USP32: variants seen among roughly 807,000 people sequenced by gnomAD.
The protein encoded by USP32 is ubiquitin carboxyl-terminal hydrolase 32.
A neutral mutation model predicts 204.8 loss-of-function variants in USP32; 59 were observed. The observed-to-expected ratio is 0.29, with a 90% CI of 0.23 to 0.36. The LOEUF (loss-of-function observed/expected upper bound fraction) is 0.36, where lower values mean the gene tolerates loss of function less well. Among genes scored for constraint, USP32 ranks in the 10% least tolerant of loss-of-function variants. The pLI is 1.00. For synonymous variants in USP32, 517 were observed against 678.4 expected, an observed-to-expected ratio of 0.76 and a Z score of 3.70; for missense variants, 1,160 against 1,946.4, an observed-to-expected ratio of 0.60 and a Z score of 7.60.
At chr17:60,358,666 T>A (rs2089140612) in intron 1 of USP32, among the ~76,000 whole-genome samples, 1 of 152,134 alleles carries the variant, frequency 6.6e-6, no homozygotes, top group South Asian at 2.1e-4. Context: ...TCAAGTAAGT[T>A]TTTAACATCT....
rs34027846 is a variant in USP32, at chr17:60,264,857, C to CAAA, written c.990+552_990+554dup. On this transcript the variant is annotated intron_variant, in intron 9 of 33. Coordinates refer to ENST00000300896, the MANE Select transcript of USP32 (RefSeq NM_032582.4). The stretch of plus-strand genomic sequence containing the variant: ...GCTGGGTGACAGAGCAAGACTCTGT[C>CAAA]AAAAAAAAAAAAAAAAAAAAAAAAA... Among the ~76,000 whole-genome samples, 161 of 43,392 alleles carry CAAA rather than the reference C, an allele frequency of 3.7e-3. 12 individuals carry two copies. Among genetic ancestry groups the CAAA allele is most frequent in the Middle Eastern group, 0.013 (1 of 78 alleles). The allele number at this position is 43,392 out of a possible 152,430, so 28.5% of individuals were successfully genotyped here. A position where few individuals can be genotyped will look rare whatever the true frequency, so the allele number is the denominator to read the frequency against.
intron 3 of USP32, among the ~76,000 whole-genome samples, chr17:60,297,047 T>C (rs536052685): frequency 6.6e-6 from 1 of 152,232 alleles, no homozygotes; most frequent in Non-Finnish European, 1.5e-5. Context: ...AAATCCCAAA[T>C]TGTAAACAAA....
intron 1 of USP32, among the ~76,000 whole-genome samples, chr17:60,412,534 C>CA (rs202179814): frequency 0.011 from 1,215 of 108,572 alleles, 7 homozygotes; most frequent in East Asian, 0.031. Context: ...TACCCTGTTT[C>CA]AAAAAAAAAA....
chr17:60,190,084 C>G (rs2145401378), intron 29 of USP32, among the ~76,000 whole-genome samples: 1 of 152,220 alleles, frequency 6.6e-6, no homozygotes, highest in Admixed American at 6.5e-5. Flanking sequence ...GCCATTCTTG[C>G]AGTAGTTGAG....
At chr17:60,413,876 G>GAAAAAAAAAAAAAAAAAAAAAAAAA (rs753405307) in intron 1 of USP32, among the ~76,000 whole-genome samples, 1 of 95,106 alleles carries the variant, frequency 1.1e-5, no homozygotes, top group Non-Finnish European at 2.1e-5. Flanking sequence ...AAAAAAAAAA[G>GAAAAAAAAAAAAAAAAAAAAAAAAA]AAAAAAAAAA....
intron 2 of USP32, among the ~76,000 whole-genome samples, chr17:60,308,286 C>G (rs935120822): frequency 6.6e-6 from 1 of 152,168 alleles, no homozygotes; most frequent in African/African-American, 2.4e-5. Flanking sequence ...AACACAAACG[C>G]ACTGGGGCTT....
chr17:60,364,754 C>T (rs942036969), intron 1 of USP32, among the ~76,000 whole-genome samples: 3 of 152,176 alleles, frequency 2.0e-5, no homozygotes, highest in Admixed American at 6.5e-5. Context: ...TATTAGCAGT[C>T]TTTTACAACA....
At chr17:60,306,356 G>A (rs2087722114) in intron 2 of USP32, among the ~76,000 whole-genome samples, 1 of 152,110 alleles carries the variant, frequency 6.6e-6, no homozygotes, top group Admixed American at 6.5e-5. Context: ...ATAATTTTCT[G>A]GCCGGGCGCA....
At chr17:60,352,217 G>A (rs181234218) in intron 1 of USP32, among the ~76,000 whole-genome samples, 196 of 152,248 alleles carry the variant, frequency 1.3e-3, no homozygotes, top group Non-Finnish European at 1.6e-3. Flanking sequence ...TGACTGGGGG[G>A]ACCTCCATGA....
At chr17:60,307,431 T>TCC (rs1455270069) in intron 2 of USP32, among the ~76,000 whole-genome samples, 1 of 152,068 alleles carries the variant, frequency 6.6e-6, no homozygotes. Context: ...GACAATACTA[T>TCC]CCACAGCAAT....
At chr17:60,341,211 C>T (rs1474014610) in intron 2 of USP32, among the ~76,000 whole-genome samples, 3 of 152,104 alleles carry the variant, frequency 2.0e-5, no homozygotes, top group East Asian at 3.8e-4. Context: ...TGAATGTTGG[C>T]CTGCCTTGCT....
intron 2 of USP32, among the ~76,000 whole-genome samples, chr17:60,308,318 C>G (rs938413116): frequency 2.6e-5 from 4 of 152,136 alleles, no homozygotes; most frequent in Non-Finnish European, 5.9e-5. Context: ...AACAGTCACC[C>G]CTAGATGCTG....
intron 27 of USP32, among the ~76,000 whole-genome samples, chr17:60,194,167 C>T (rs112334573): frequency 0.021 from 3,198 of 152,108 alleles, 132 homozygotes; most frequent in African/African-American, 0.073. Flanking sequence ...CATCAGCCTC[C>T]CAAGTAGCTA....
At chr17:60,217,054 T>C (rs2085121833) in intron 16 of USP32, among the ~76,000 whole-genome samples, 1 of 152,176 alleles carries the variant, frequency 6.6e-6, no homozygotes, top group Non-Finnish European at 1.5e-5. Flanking sequence ...AGCATATAAG[T>C]ATAGTATTCA....
At chr17:60,267,237 C>A (rs966196056) in intron 7 of USP32, among the ~76,000 whole-genome samples, 1 of 151,922 alleles carries the variant, frequency 6.6e-6, no homozygotes, top group Admixed American at 6.6e-5. Context: ...GAAATCCCGT[C>A]GCTACTAAAA....
chr17:60,421,723 C>G, intron 1 of USP32: 3 of 795,912 alleles, frequency 3.8e-6, no homozygotes, highest in Non-Finnish European at 4.6e-6. Context: ...CCGGCCAACT[C>G]AGACTACACC....
intron 24 of USP32, among the ~76,000 whole-genome samples, chr17:60,207,467 T>C (rs931484379): frequency 2.6e-5 from 4 of 152,014 alleles, no homozygotes; most frequent in African/African-American, 7.3e-5. Context: ...TGAGAGTGTG[T>C]TCAGAAATCC....
chr17:60,409,991 C>T (rs1292992182), intron 1 of USP32, among the ~76,000 whole-genome samples: 1 of 152,178 alleles, frequency 6.6e-6, no homozygotes, highest in Non-Finnish European at 1.5e-5. Flanking sequence ...CTTCCCAAAA[C>T]TAACAATCTC....
intron 26 of USP32, among the ~76,000 whole-genome samples, chr17:60,201,843 GAGATGGAGTTTCACCA>G (rs1341613209): frequency 6.6e-6 from 1 of 152,048 alleles, no homozygotes; most frequent in Non-Finnish European, 1.5e-5. Flanking sequence ...ATTTTTAGTA[GAGATGGAGTTTCACCA>G]TATTGGCCAG....
Sources: gnomAD v4.1 joint callset for allele counts (sites outside exome capture counted in the v4.1 genomes callset) on GRCh38, gnomAD v4.1.1 for gene constraint, MANE v1.5 for transcripts, NCBI Gene and HGNC (gene_info 2026-07-23, HGNC 2026-07-21) for gene names.